USH2A: variants seen among roughly 807,000 people sequenced by gnomAD.
USH2A encodes Usher syndrome 2A (autosomal recessive, mild).
Under a neutral mutation model 538.9 loss-of-function variants are expected in USH2A, and 443 were observed. The ratio of observed to expected loss-of-function variants is 0.82; its 90% CI spans 0.76 to 0.89. The LOEUF is 0.89. Ranked by LOEUF, USH2A falls within the 40% of genes least tolerant of loss-of-function variation. The pLI, the probability that USH2A is intolerant of heterozygous loss-of-function variation, is 0.00. For synonymous variants in USH2A, 2,413 were observed against 2,273.5 expected, an observed-to-expected ratio of 1.06 and a Z score of -1.75; for missense variants, 6,633 against 6,324.8, an observed-to-expected ratio of 1.05 and a Z score of -1.65.
intron 14 of USH2A, among the ~76,000 whole-genome samples, chr1:216,230,898 T>TCTCA (rs1339437378): frequency 1.4e-5 from 2 of 146,952 alleles, no homozygotes; most frequent in Non-Finnish European, 1.5e-5. Context: ...TCTCTCTCTC[T>TCTCA]CACACACACA....
chr1:216,141,225 G>A (rs147009137), intron 21 of USH2A, among the ~76,000 whole-genome samples: 9 of 152,280 alleles, frequency 5.9e-5, no homozygotes, highest in African/African-American at 1.2e-4. Flanking sequence ...ATACACACAC[G>A]TTAATCTCCG....
At chr1:216,053,888 AG>A (rs2030882636) in intron 30 of USH2A, among the ~76,000 whole-genome samples, 3 of 152,188 alleles carry the variant, frequency 2.0e-5, no homozygotes, top group African/African-American at 7.2e-5. Context: ...CTGAAAGATC[AG>A]GGGGCAGGGA....
chr1:216,148,245 T>A (rs1339062263), intron 21 of USH2A, among the ~76,000 whole-genome samples: 1 of 151,574 alleles, frequency 6.6e-6, no homozygotes, highest in Admixed American at 6.6e-5. Context: ...TGGTGCCAAC[T>A]TAGACAATAC....
intron 64 of USH2A, among the ~76,000 whole-genome samples, chr1:215,664,671 A>T (rs1347365678): frequency 6.6e-6 from 1 of 152,184 alleles, no homozygotes; most frequent in Non-Finnish European, 1.5e-5. Context: ...CTTCAAATAC[A>T]TATGTTGAAG....
In USH2A at chr1:216,197,249, G is replaced by C. The variant is rs59523961; in HGVS notation, c.4082-527C>G. On this transcript the variant is annotated intron_variant, in intron 18 of 71. Coordinates refer to ENST00000307340, the MANE Select transcript of USH2A (RefSeq NM_206933.4). ...TGTTAAATTTTTCTTGAAATGTTCA[G>C]GTTACATACACATGCATTTCCCTTT... is the stretch of plus-strand genomic sequence containing the variant. Among the ~76,000 whole-genome samples the C allele has an allele frequency of 9.3e-3, 1,420 of 152,212 alleles. 22 individuals carry two copies. The highest frequency in any genetic ancestry group is 0.033 in the African/African-American group (1,374 of 41,538).
At chr1:216,419,884 G>T (rs1381746813) in intron 2 of USH2A, among the ~76,000 whole-genome samples, 1 of 151,676 alleles carries the variant, frequency 6.6e-6, no homozygotes, top group Non-Finnish European at 1.5e-5. Context: ...TGAGTTGGGA[G>T]GTAAGAATAA....
chr1:215,836,537 TATATAATATATATATATATA>T (rs1558120210), intron 47 of USH2A, among the ~76,000 whole-genome samples: 13 of 25,386 alleles, frequency 5.1e-4, no homozygotes, highest in African/African-American at 1.2e-3. Context: ...TATATATATA[TATATAATATATATATATATA>T]TATATATATT....
At chr1:216,055,189 G>T (rs945633708) in intron 30 of USH2A, among the ~76,000 whole-genome samples, 6 of 152,104 alleles carry the variant, frequency 3.9e-5, no homozygotes, top group Non-Finnish European at 8.8e-5. Context: ...TCTCCCCAGG[G>T]TTTTCCCCCA....
At chr1:216,337,730 A>G (rs1231442803) in intron 4 of USH2A, among the ~76,000 whole-genome samples, 1 of 151,346 alleles carries the variant, frequency 6.6e-6, no homozygotes, top group African/African-American at 2.4e-5. Context: ...TGACATAAAT[A>G]TATTATTTGC....
chr1:216,390,112 A>T (rs2102745064), intron 3 of USH2A, among the ~76,000 whole-genome samples: 1 of 152,308 alleles, frequency 6.6e-6, no homozygotes, highest in East Asian at 1.9e-4. Flanking sequence ...TCCTGTGTGA[A>T]ATGTATAACT....
At chr1:215,694,517 T>G (rs1658736182) in intron 61 of USH2A, among the ~76,000 whole-genome samples, 1 of 152,116 alleles carries the variant, frequency 6.6e-6, no homozygotes, top group African/African-American at 2.4e-5. Flanking sequence ...AGCTTACGGT[T>G]AGCCGAGATC....
In USH2A at chr1:216,064,499, TG is replaced by T. The variant is rs1320325434; in HGVS notation, c.6049+5601del. 1.9e-3 allele frequency among the ~76,000 whole-genome samples: 287 copies of T among 149,710 alleles called. 1 individual carries two copies. The highest frequency in any genetic ancestry group is 6.7e-3 in the African/African-American group (270 of 40,188). ...GCAGAGAGTGGCCCTTGCTAGGGAT[TG>T]TTTTTTTTTTTTTAATTTTCTCATC... On this transcript the variant is annotated intron_variant, in intron 30 of 71. Coordinates refer to ENST00000307340, the MANE Select transcript of USH2A (RefSeq NM_206933.4).
chr1:216,132,352 A>AT lies in USH2A; in HGVS notation c.4628-35140dup, dbSNP rs2033393953. On this transcript the variant is annotated intron_variant, in intron 21 of 71. Transcript: ENST00000307340. ...ATTGGAGGCCAGAAATATGTCATGC[A>AT]TTTTTTAAATCTATCTTAAAAATAT... 3.3e-5 allele frequency among the ~76,000 whole-genome samples: 5 copies of AT among 152,048 alleles called. No homozygotes were observed. In the South Asian group the frequency reaches 1.0e-3, roughly 31 times the overall value.
chr1:216,380,425 A>G (rs994885689), intron 3 of USH2A, among the ~76,000 whole-genome samples: 8 of 152,222 alleles, frequency 5.3e-5, no homozygotes, highest in Non-Finnish European at 1.2e-4. Flanking sequence ...CAGAAAAAAC[A>G]AAAAGTTCTA....
intron 61 of USH2A, among the ~76,000 whole-genome samples, chr1:215,681,756 A>G (rs1235184842): frequency 6.6e-6 from 1 of 152,196 alleles, no homozygotes; most frequent in African/African-American, 2.4e-5. Context: ...TAACTGTGTT[A>G]TTTCTTGTTA....
intron 22 of USH2A, among the ~76,000 whole-genome samples, chr1:216,090,400 G>T (rs1167756918): frequency 7.2e-6 from 1 of 138,658 alleles, no homozygotes; most frequent in Non-Finnish European, 1.5e-5. Flanking sequence ...TCGACAACAT[G>T]TATGACATAC....
Position 216,217,391 on chromosome 1 carries a change from G to A in USH2A, c.3153C>T (p.Ser1051=), listed in dbSNP as rs1259206258. Residue 1051 remains serine (S), a synonymous_variant, in exon 15 of 72, where the codon AGC becomes AGT. Transcript: ENST00000307340. The stretch of plus-strand genomic sequence containing the variant: ...ACTGAACCAGAGTTCACTTACTTTT[G>A]CTGCAACCCAATAGATTGTTGACAT... ...HLDVNNLLGC[S]KTPFQQPPPR... is the part of the protein sequence containing the mutation. 1 of 1,612,832 alleles carries A rather than the reference G, an allele frequency of 6.2e-7. No individual in the cohort carries two copies.
intron 32 of USH2A, among the ~76,000 whole-genome samples, chr1:216,023,773 A>G (rs10082132): frequency 0.46 from 69,365 of 151,870 alleles, 16,423 homozygotes; most frequent in East Asian, 0.7. Flanking sequence ...TGTTAGCTAA[A>G]AATTAATAAA....
intron 9 of USH2A, among the ~76,000 whole-genome samples, chr1:216,320,927 T>A (rs150715386): frequency 2.0e-5 from 3 of 152,252 alleles, no homozygotes; most frequent in East Asian, 3.9e-4. Context: ...AATATTTATA[T>A]AACAGAATAT....
Sources: gnomAD v4.1 joint callset for allele counts (sites outside exome capture counted in the v4.1 genomes callset) on GRCh38, gnomAD v4.1.1 for gene constraint, MANE v1.5 for transcripts, NCBI Gene and HGNC (gene_info 2026-07-23, HGNC 2026-07-21) for gene names.